The following ERO1B variants were observed in gnomAD, a reference collection of about 807,000 sequenced individuals.
ERO1B encodes the protein endoplasmic reticulum oxidoreductase 1 beta.
Under a neutral mutation model 75.3 loss-of-function variants are expected in ERO1B, and 49 were observed. The ratio of observed to expected loss-of-function variants is 0.65; its 90% CI spans 0.52 to 0.83. The LOEUF (loss-of-function observed/expected upper bound fraction) is 0.83, where lower values mean the gene tolerates loss of function less well. ERO1B is among the 40% of genes least tolerant of loss of function. The pLI, the probability that ERO1B is intolerant of heterozygous loss-of-function variation, is 0.00. For missense variants in ERO1B, 512 were observed against 560.1 expected (o/e 0.91, Z 0.87); for synonymous variants, 191 against 192.9 (o/e 0.99, Z 0.08).
rs1245824457 is a variant in ERO1B at position 236,215,832 on chromosome 1, C to CA, written c.*2683dup. 2 of 152,094 alleles carry CA rather than the reference C, an allele frequency of 1.3e-5. No individual in the cohort carries two copies. The highest frequency in any genetic ancestry group is 2.9e-5 in the Non-Finnish European group (2 of 68,012). 9.4% of individuals were successfully genotyped at this position (152,094 alleles called of 1,614,324 possible). ...CTGTTCCCAAATTTTCAGCTGAAGG[C>CA]AATGCTGATGAAGATCAAAATAGCT... is the stretch of plus-strand genomic sequence containing the variant. On this transcript the variant is annotated 3_prime_UTR_variant, in exon 16 of 16. Coordinates refer to ENST00000354619, the MANE Select transcript of ERO1B (RefSeq NM_019891.4).
At chr1:236,267,459 T>C (rs1665473083) in intron 2 of ERO1B, among the ~76,000 whole-genome samples, 1 of 152,092 alleles carries the variant, frequency 6.6e-6, no homozygotes, top group Non-Finnish European at 1.5e-5. Context: ...TGAGTACTTC[T>C]ACTGACCAAG....
At chr1:236,273,676 A>G (rs539646183) in intron 1 of ERO1B, among the ~76,000 whole-genome samples, 1 of 152,060 alleles carries the variant, frequency 6.6e-6, no homozygotes, top group South Asian at 2.1e-4. Flanking sequence ...TCTGGTGGTG[A>G]GCATCTGTAG....
chr1:236,269,991 T>A lies in ERO1B; in HGVS notation c.106A>T (p.Thr36Ser). Residue 36 changes from threonine (T) to serine (S), a missense_variant, in exon 2 of 16, where the codon ACT becomes TCT. Coordinates refer to ENST00000354619, the MANE Select transcript of ERO1B (RefSeq NM_019891.4). ...CACAAGCAATCATCCAGAACTCCAG[T>A]GACCTAGAATTTATATAATTTAAAA... ...FLRSVVEAQV[T>S]GVLDDCLCDI... The A allele has an allele frequency of 6.3e-7, 1 of 1,582,046 alleles. No individual in the cohort carries two copies. The highest frequency in any genetic ancestry group is 8.6e-7 in the Non-Finnish European group (1 of 1,158,752).
At chr1:236,260,049 A>G (rs970156178) in intron 2 of ERO1B, among the ~76,000 whole-genome samples, 12 of 152,242 alleles carry the variant, frequency 7.9e-5, no homozygotes, top group African/African-American at 2.9e-4. Context: ...CCACACTAAC[A>G]TGAAACTAGA....
intron 2 of ERO1B, among the ~76,000 whole-genome samples, chr1:236,258,149 C>CAGAA (rs71559929): frequency 6.2e-5 from 6 of 96,578 alleles, no homozygotes; most frequent in Non-Finnish European, 7.4e-5. Flanking sequence ...AAAAACAAAG[C>CAGAA]AAAAAAAAAA....
chr1:236,220,520 T>C, intron 15 of ERO1B: 1 of 180,686 alleles, frequency 5.5e-6, no homozygotes, highest in Non-Finnish European at 1.1e-5. Context: ...ACCTTCTCAA[T>C]CACACATTCC....
intron 8 of ERO1B, among the ~76,000 whole-genome samples, chr1:236,234,089 C>T (rs1465547371): frequency 6.6e-6 from 1 of 152,166 alleles, no homozygotes; most frequent in Non-Finnish European, 1.5e-5. Flanking sequence ...ATTAATCAAC[C>T]AATTTCAATG....
At chr1:236,276,154 A>G (rs2102968096) in intron 1 of ERO1B, among the ~76,000 whole-genome samples, 1 of 152,310 alleles carries the variant, frequency 6.6e-6, no homozygotes, top group African/African-American at 2.4e-5. Flanking sequence ...AAGACTGTGG[A>G]AAAAGCAGAT....
At position 236,250,559 on chromosome 1, in the gene ERO1B, A is replaced by T. The variant is rs960733626; in HGVS notation, c.349-592T>A. ...CAACTGAAAAAACAACCCTCTTGGG[A>T]AGTAAATTTGACCATATATATATAT... On this transcript the variant is annotated intron_variant, in intron 4 of 15. Coordinates refer to ENST00000354619, the MANE Select transcript of ERO1B (RefSeq NM_019891.4). 3.7e-5 allele frequency among the ~76,000 whole-genome samples: 4 copies of T among 108,306 alleles called. No individual in the cohort carries two copies. The Admixed American group carries it at 4.1e-4, about 11-fold the overall frequency. The allele number at this position is 108,306 out of a possible 152,430, so 71.1% of individuals were successfully genotyped here.
At chr1:236,269,568 C>T (rs1665542742) in intron 2 of ERO1B, among the ~76,000 whole-genome samples, 1 of 152,144 alleles carries the variant, frequency 6.6e-6, no homozygotes. Flanking sequence ...TAGGTGTGTC[C>T]AGATGGCAGA....
chr1:236,221,016 G>A (rs1301784745), intron 14 of ERO1B, 51 bp from the exon 15 acceptor site: 1 of 1,345,126 alleles, frequency 7.4e-7, no homozygotes. Flanking sequence ...ATAATAACTA[G>A]TAAAAAGGCT....
chr1:236,259,954 A>G lies in ERO1B; in HGVS notation c.223-6449T>C, dbSNP rs1198382628. Among the ~76,000 whole-genome samples, 8 of 152,332 alleles carry G rather than the reference A, an allele frequency of 5.3e-5. No homozygotes were observed. In the South Asian group the frequency reaches 8.3e-4, roughly 16 times the overall value. ...ACATTATTCTCAGTGCATATGGAAC[A>G]TTCTCCAGGATAGAGCATGTTAGGC... is the stretch of plus-strand genomic sequence containing the variant. On this transcript the variant is annotated intron_variant, in intron 2 of 15. Transcript: ENST00000354619.
intron 9 of ERO1B, among the ~76,000 whole-genome samples, 182 bp from the exon 10 acceptor site, chr1:236,230,432 C>T (rs1572034869): frequency 1.3e-5 from 2 of 151,458 alleles, no homozygotes; most frequent in Admixed American, 6.6e-5. Context: ...GCCAACATGG[C>T]GAAACCCCAT....
At chr1:236,270,048 A>C in intron 1 of ERO1B, 54 bp from the exon 2 acceptor site, 16 of 1,193,622 alleles carry the variant, frequency 1.3e-5, no homozygotes, top group Non-Finnish European at 1.9e-5. Context: ...AACCTTAACA[A>C]ATCTACACTA....
intron 1 of ERO1B, among the ~76,000 whole-genome samples, chr1:236,275,913 G>A (rs1665700709): frequency 6.6e-6 from 1 of 152,212 alleles, no homozygotes; most frequent in South Asian, 2.1e-4. Flanking sequence ...GGAATTTGGT[G>A]AGGATAGAAT....
Position 236,269,939 on chromosome 1 carries a change from T to C in ERO1B, c.158A>G (p.Asn53Ser). Residue 53 changes from asparagine to serine, a missense_variant, in exon 2 of 16, where the codon AAT (asparagine) becomes AGT (serine). Coordinates refer to ENST00000354619, the MANE Select transcript of ERO1B (RefSeq NM_019891.4). ...TATTTTGGGGAAGATTTTGTAGGTATTGAAGTTATCGATGCTGTCAATATC... is the reference window on the plus strand; with the variant it reads ...TATTTTGGGGAAGATTTTGTAGGTACTGAAGTTATCGATGCTGTCAATATC... ...LCDIDSIDNF[N>S]TYKIFPKIKK... 6 of 1,605,584 alleles carry C rather than the reference T, an allele frequency of 3.7e-6. No individual in the cohort carries two copies. The highest frequency in any genetic ancestry group is 5.1e-6 in the Non-Finnish European group (6 of 1,172,408).
At chr1:236,239,825 G>GTACATATATGTA (rs1664642219) in intron 6 of ERO1B, among the ~76,000 whole-genome samples, 1 of 50,824 alleles carries the variant, frequency 2.0e-5, no homozygotes, top group Non-Finnish European at 6.2e-5. Flanking sequence ...ATATATATGT[G>GTACATATATGTA]TATATATATG....
At chr1:236,223,609 T>C (rs1284409372) in intron 13 of ERO1B, among the ~76,000 whole-genome samples, 7 of 152,232 alleles carry the variant, frequency 4.6e-5, no homozygotes, top group South Asian at 2.1e-4. Flanking sequence ...TCATACATTC[T>C]TGACAAACAG....
At chr1:236,265,452 GTCACACTCAATTCA>G (rs1558520760) in intron 2 of ERO1B, among the ~76,000 whole-genome samples, 1 of 151,984 alleles carries the variant, frequency 6.6e-6, no homozygotes, top group African/African-American at 2.4e-5. Flanking sequence ...TATATCATAC[GTCACACTCAATTCA>G]TCAGAAAAGC....
Sources: gnomAD v4.1 joint callset for allele counts (sites outside exome capture counted in the v4.1 genomes callset) on GRCh38, gnomAD v4.1.1 for gene constraint, MANE v1.5 for transcripts, NCBI Gene and HGNC (gene_info 2026-07-23, HGNC 2026-07-21) for gene names.